Variants in ADCY5 observed in about 807,000 individuals in gnomAD.
The protein encoded by ADCY5 is adenylate cyclase type 5.
Under a neutral mutation model 119.7 loss-of-function variants are expected in ADCY5, and 30 were observed. The ratio of observed to expected loss-of-function variants is 0.25; its 90% CI spans 0.19 to 0.34. The LOEUF is 0.34. Among genes scored for constraint, ADCY5 ranks in the 10% least tolerant of loss-of-function variants. The pLI, the probability that ADCY5 is intolerant of heterozygous loss-of-function variation, is 1.00. For synonymous variants in ADCY5, 753 were observed against 762.2 expected (o/e 0.99, Z 0.20); for missense variants, 1,324 against 1,775.2 (o/e 0.75, Z 4.57).
intron 1 of ADCY5, among the ~76,000 whole-genome samples, chr3:123,375,896 C>G (rs528254938): frequency 7.2e-5 from 11 of 152,258 alleles, no homozygotes; most frequent in African/African-American, 2.6e-4. Flanking sequence ...TAGGTACGCA[C>G]TGTGAGGAAG....
intron 3 of ADCY5, among the ~76,000 whole-genome samples, chr3:123,345,270 G>A (rs1942476202): frequency 6.6e-6 from 1 of 152,252 alleles, no homozygotes; most frequent in Admixed American, 6.5e-5. Context: ...GTGAGAGAGG[G>A]CAAGAACTGG....
intron 1 of ADCY5, among the ~76,000 whole-genome samples, chr3:123,396,104 A>AG (rs1944553660): frequency 1.5e-5 from 1 of 66,354 alleles, no homozygotes; most frequent in Non-Finnish European, 3.1e-5. Context: ...GGGAAGGAAG[A>AG]AGACAGAAAG....
At chr3:123,329,578 A>G (rs367836475) in intron 5 of ADCY5, among the ~76,000 whole-genome samples, 4 of 152,186 alleles carry the variant, frequency 2.6e-5, no homozygotes, top group Admixed American at 2.6e-4. Flanking sequence ...GAGAGGGTGC[A>G]GGTGCCAGGA....
intron 13 of ADCY5, 105 bp downstream of exon 13, chr3:123,303,962 A>G: frequency 1.3e-6 from 1 of 794,828 alleles, no homozygotes; most frequent in Non-Finnish European, 2.1e-6. Context: ...ACAAATAAGA[A>G]CTTCCAGGGA....
chr3:123,438,400 C>T (rs917500328), intron 1 of ADCY5, among the ~76,000 whole-genome samples: 1 of 152,150 alleles, frequency 6.6e-6, no homozygotes, highest in Non-Finnish European at 1.5e-5. Context: ...TTGCTTTCCG[C>T]GGTTTCAGTA....
intron 1 of ADCY5, among the ~76,000 whole-genome samples, chr3:123,443,132 G>A (rs1277606876): frequency 6.6e-6 from 1 of 152,188 alleles, no homozygotes; most frequent in Non-Finnish European, 1.5e-5. Context: ...AGGCCTCTGG[G>A]CCAAGTTCCA....
At chr3:123,396,116 AAG>A (rs1255743625) in intron 1 of ADCY5, among the ~76,000 whole-genome samples, 3 of 97,058 alleles carry the variant, frequency 3.1e-5, no homozygotes, top group African/African-American at 1.2e-4. Flanking sequence ...GACAGAAAGA[AAG>A]AGAGGGCAAG....
At chr3:123,305,710 G>T (rs1428485333) in intron 12 of ADCY5, among the ~76,000 whole-genome samples, 1 of 152,198 alleles carries the variant, frequency 6.6e-6, no homozygotes, top group Non-Finnish European at 1.5e-5. Flanking sequence ...TTGACAAAAA[G>T]TCAGGCCCCT....
intron 17 of ADCY5, among the ~76,000 whole-genome samples, chr3:123,295,597 C>T (rs560267386): frequency 6.6e-6 from 1 of 152,340 alleles, no homozygotes; most frequent in Admixed American, 6.5e-5. Context: ...CAACCCAGCT[C>T]TGGCTAGGTC....
intron 1 of ADCY5, among the ~76,000 whole-genome samples, chr3:123,444,398 G>A (rs1304812664): frequency 6.6e-6 from 1 of 152,154 alleles, no homozygotes; most frequent in African/African-American, 2.4e-5. Flanking sequence ...ACAGTAACAG[G>A]GATCAGAGGG....
At chr3:123,400,995 A>G (rs1944734413) in intron 1 of ADCY5, among the ~76,000 whole-genome samples, 1 of 151,880 alleles carries the variant, frequency 6.6e-6, no homozygotes, top group African/African-American at 2.4e-5. Flanking sequence ...AAGAGCTGAT[A>G]CGGTATGAAA....
intron 1 of ADCY5, among the ~76,000 whole-genome samples, chr3:123,436,763 A>T (rs1294787215): frequency 1.3e-5 from 2 of 152,224 alleles, no homozygotes; most frequent in Non-Finnish European, 2.9e-5. Flanking sequence ...TTTAAATTTC[A>T]TATCATTCCT....
Position 123,396,791 on chromosome 3 carries a change from C to A in ADCY5, c.1135-44210G>T, listed in dbSNP as rs145580156. ...GAAGGAAGGAAGGAAGGCAGGCAGG[C>A]AGGCAGGCAGGCAGGCAGGCAGGCA... On this transcript the variant is annotated intron_variant, in intron 1 of 20. Coordinates refer to ENST00000462833, the MANE Select transcript of ADCY5 (RefSeq NM_183357.3). Among the ~76,000 whole-genome samples the A allele has an allele frequency of 4.4e-3, 386 of 88,716 alleles. 4 individuals are homozygous for A. The highest frequency in any genetic ancestry group is 8.6e-3 in the African/African-American group (196 of 22,716). 58.2% of individuals were successfully genotyped at this position (88,716 alleles called of 152,430 possible). A position where few individuals can be genotyped will look rare whatever the true frequency, so the allele number is the denominator to read the frequency against.
rs769341037 is a variant in ADCY5, at chr3:123,303,037, C to T, written c.2724+18G>A. ...GGGACTCTTCAGCACTCCCTTCCAG[C>T]CCCTGTGCACCCAGTACCTCGGGGA... On this transcript the variant is annotated intron_variant, in intron 14 of 20. Transcript: ENST00000462833. 6.2e-7 allele frequency: 1 copy of T among 1,612,172 alleles called. No homozygotes were observed. The highest frequency in any genetic ancestry group is 1.3e-5 in the African/African-American group (1 of 74,924).
chr3:123,386,992 G>T (rs9856983), intron 1 of ADCY5, among the ~76,000 whole-genome samples: 71,748 of 152,006 alleles, frequency 0.47, 19,192 homozygotes, highest in Non-Finnish European at 0.62. Flanking sequence ...GAAAGTGCTG[G>T]ACCTTCAAGG....
chr3:123,412,959 G>A (rs1945092983), intron 1 of ADCY5, among the ~76,000 whole-genome samples: 2 of 152,316 alleles, frequency 1.3e-5, no homozygotes, highest in East Asian at 3.9e-4. Context: ...GATAGAGCAG[G>A]CGGCACAGGC....
intron 19 of ADCY5, among the ~76,000 whole-genome samples, chr3:123,287,412 C>G (rs144704480): frequency 1.3e-5 from 2 of 152,326 alleles, no homozygotes; most frequent in Non-Finnish European, 2.9e-5. Context: ...GTTCTCTCTC[C>G]TCCTCCCCAG....
At chr3:123,362,258 A>G (rs1576624166) in intron 1 of ADCY5, among the ~76,000 whole-genome samples, 1 of 152,110 alleles carries the variant, frequency 6.6e-6, no homozygotes, top group South Asian at 2.1e-4. Flanking sequence ...CACCTGCACC[A>G]CCTTACATCC....
In ADCY5 at chr3:123,338,939, A is replaced by C. The variant is rs150182500; in HGVS notation, c.1407-6264T>G. ...CAGCACCCTGGACACCCAGGTGCTG[A>C]GTTTTTCTAGTGGTCTAGGGGGGCC... On this transcript the variant is annotated intron_variant, in intron 3 of 20. Coordinates refer to ENST00000462833, the MANE Select transcript of ADCY5 (RefSeq NM_183357.3). Among the ~76,000 whole-genome samples the C allele has an allele frequency of 1.0e-2, 1,517 of 152,158 alleles. 15 individuals are homozygous for C. The highest frequency in any genetic ancestry group is 0.015 in the Admixed American group (236 of 15,292).
Sources: gnomAD v4.1 joint callset for allele counts (sites outside exome capture counted in the v4.1 genomes callset) on GRCh38, gnomAD v4.1.1 for gene constraint, MANE v1.5 for transcripts, NCBI Gene and HGNC (gene_info 2026-07-23, HGNC 2026-07-21) for gene names.